Variants in SGCD observed in about 807,000 individuals in gnomAD.
The protein encoded by SGCD is sarcoglycan delta.
A neutral mutation model predicts 36.6 loss-of-function variants in SGCD; 18 were observed. That is an observed-to-expected ratio of 0.49 (90% CI 0.34 to 0.73). The LOEUF is 0.73. Among genes scored for constraint, SGCD ranks in the 30% least tolerant of loss-of-function variants. The pLI is 0.01. For synonymous variants in SGCD, 133 were observed against 130.6 expected, an observed-to-expected ratio of 1.02 and a Z score of -0.12; for missense variants, 387 against 346.7, an observed-to-expected ratio of 1.12 and a Z score of -0.92.
At chr5:156,153,787 C>T (rs950589804) in intron 3 of SGCD, among the ~76,000 whole-genome samples, 1 of 151,464 alleles carries the variant, frequency 6.6e-6, no homozygotes, top group Admixed American at 6.6e-5. Context: ...TCTGGGTTTC[C>T]AGGCCACACC....
At chr5:156,324,783 C>T (rs1214576529), upstream of SGCD, among the ~76,000 whole-genome samples, 1 of 151,238 alleles carries the variant, frequency 6.6e-6, no homozygotes, top group East Asian at 1.9e-4. Flanking sequence ...GGGCATAAAA[C>T]GTGAATAATA....
intron 3 of SGCD, among the ~76,000 whole-genome samples, chr5:156,233,869 A>G (rs1765085435): frequency 6.6e-6 from 1 of 152,208 alleles, no homozygotes; most frequent in African/African-American, 2.4e-5. Context: ...TGGGGAACAG[A>G]GTGAGACCAC....
the SGCD span, among the ~76,000 whole-genome samples, chr5:155,727,863 CCTT>C: frequency 6.6e-6 from 1 of 152,216 alleles, no homozygotes; most frequent in Non-Finnish European, 1.5e-5. Context: ...TCCGCACACT[CCTT>C]CTCCCGGTGT....
At chr5:156,690,663 C>G (rs1269559684) in intron 7 of SGCD, among the ~76,000 whole-genome samples, 2 of 151,978 alleles carry the variant, frequency 1.3e-5, no homozygotes, top group Non-Finnish European at 2.9e-5. Flanking sequence ...ATAGCCAGGT[C>G]ATTAGTAAAT....
intron 1 of SGCD, among the ~76,000 whole-genome samples, chr5:156,090,707 C>A (rs1248405086): frequency 6.6e-6 from 1 of 152,116 alleles, no homozygotes; most frequent in Non-Finnish European, 1.5e-5. Flanking sequence ...TGCAGGAGAC[C>A]AGGGTGTATT....
At chr5:156,162,840 C>G (rs1763116043) in intron 3 of SGCD, among the ~76,000 whole-genome samples, 2 of 151,566 alleles carry the variant, frequency 1.3e-5, no homozygotes, top group Non-Finnish European at 2.9e-5. Context: ...CCATAATTCC[C>G]CTTGACTCTA....
intron 1 of SGCD, among the ~76,000 whole-genome samples, chr5:155,887,170 T>G (rs1756024407): frequency 6.6e-6 from 1 of 152,214 alleles, no homozygotes; most frequent in Non-Finnish European, 1.5e-5. Flanking sequence ...CAGGGATTGC[T>G]TCCTAAGAAG....
chr5:156,299,107 T>C, intron 3 of SGCD, among the ~76,000 whole-genome samples: 1 of 152,228 alleles, frequency 6.6e-6, no homozygotes. Context: ...ATTTTGATCT[T>C]ATTATTATAT....
intron 3 of SGCD, among the ~76,000 whole-genome samples, chr5:156,345,807 C>T (rs1206662060): frequency 6.6e-6 from 1 of 152,072 alleles, no homozygotes; most frequent in Non-Finnish European, 1.5e-5. Context: ...TCCCAAATAT[C>T]ATAGTGGATA....
intron 3 of SGCD, among the ~76,000 whole-genome samples, chr5:156,251,217 T>A (rs1456876090): frequency 6.6e-6 from 1 of 152,220 alleles, no homozygotes. Flanking sequence ...TTACAGAATT[T>A]TTTCTCTCTC....
intron 3 of SGCD, among the ~76,000 whole-genome samples, chr5:156,414,877 A>G (rs1350235027): frequency 6.6e-6 from 1 of 152,236 alleles, no homozygotes; most frequent in Non-Finnish European, 1.5e-5. Flanking sequence ...TACTGAGCAA[A>G]AACAATGAAG....
intron 4 of SGCD, among the ~76,000 whole-genome samples, chr5:156,539,966 A>G (rs1758286539): frequency 6.6e-6 from 1 of 152,166 alleles, no homozygotes; most frequent in South Asian, 2.1e-4. Flanking sequence ...TCATGGAGTC[A>G]AAAACCTTCT....
chr5:155,910,943 G>A (rs529378573), intron 1 of SGCD, among the ~76,000 whole-genome samples: 1 of 152,190 alleles, frequency 6.6e-6, no homozygotes, highest in East Asian at 1.9e-4. Context: ...AATTGTAAGA[G>A]GATGATTTCA....
intron 1 of SGCD, among the ~76,000 whole-genome samples, chr5:156,111,165 C>T (rs6890997): frequency 0.18 from 27,858 of 152,070 alleles, 4,207 homozygotes; most frequent in East Asian, 0.46. Flanking sequence ...TGTTTTCATA[C>T]TTCTTTTGGA....
the SGCD span, among the ~76,000 whole-genome samples, chr5:155,800,044 C>G: frequency 0.048 from 7,225 of 152,082 alleles, 224 homozygotes; most frequent in Middle Eastern, 0.14. Context: ...GTCTCGAACT[C>G]CTGACCTCAC....
At chr5:156,684,589 G>C (rs1561856496) in intron 7 of SGCD, among the ~76,000 whole-genome samples, 1 of 152,134 alleles carries the variant, frequency 6.6e-6, no homozygotes, top group Admixed American at 6.5e-5. Context: ...TAAGGCTTCT[G>C]TGAACCCCCA....
At chr5:156,317,487 G>A (rs1252733389) in intron 3 of SGCD, among the ~76,000 whole-genome samples, 3 of 152,096 alleles carry the variant, frequency 2.0e-5, no homozygotes, top group Non-Finnish European at 4.4e-5. Flanking sequence ...AATTTCAAAA[G>A]TTTTGCCTTA....
chr5:156,668,830 C>G (rs569003825), intron 7 of SGCD, among the ~76,000 whole-genome samples: 47 of 152,208 alleles, frequency 3.1e-4, no homozygotes, highest in Admixed American at 5.2e-4. Context: ...TCCTCTGAGT[C>G]ATGGAGGAGG....
chr5:156,628,081 C>T (rs908331603), intron 6 of SGCD, among the ~76,000 whole-genome samples: 2 of 152,070 alleles, frequency 1.3e-5, no homozygotes, highest in African/African-American at 4.8e-5. Context: ...TGGTGGAAGG[C>T]AGAGGGGGAG....
Sources: gnomAD v4.1 joint callset for allele counts (sites outside exome capture counted in the v4.1 genomes callset) on GRCh38, gnomAD v4.1.1 for gene constraint, MANE v1.5 for transcripts, NCBI Gene and HGNC (gene_info 2026-07-23, HGNC 2026-07-21) for gene names.